The following RIMS4 variants were observed in gnomAD, a reference collection of about 807,000 sequenced individuals.
RIMS4 encodes the protein regulating synaptic membrane exocytosis protein 4.
Under a neutral mutation model 29.0 loss-of-function variants are expected in RIMS4, and 9 were observed. The ratio of observed to expected loss-of-function variants is 0.31; its 90% confidence interval spans 0.19 to 0.54. The LOEUF is 0.54. RIMS4 is among the 20% of genes least tolerant of loss of function. The probability of loss-of-function intolerance (pLI) is 0.94; values close to 1 mark genes in which losing one functional copy is unlikely to be tolerated. For synonymous variants in RIMS4, 130 were observed against 152.9 expected (o/e 0.85, Z 1.10); for missense variants, 193 against 365.7 (o/e 0.53, Z 3.85).
chr20:44,801,468 T>C (rs1473380293), intron 1 of RIMS4, among the ~76,000 whole-genome samples: 1 of 152,220 alleles, frequency 6.6e-6, no homozygotes, highest in African/African-American at 2.4e-5. Context: ...TTTACATCGA[T>C]GATTCCTTTG....
At chr20:44,796,939 G>A (rs556303064) in intron 1 of RIMS4, among the ~76,000 whole-genome samples, 1 of 152,322 alleles carries the variant, frequency 6.6e-6, no homozygotes, top group African/African-American at 2.4e-5. Context: ...GAGCTGGAGT[G>A]AGCAATGCTG....
intron 1 of RIMS4, among the ~76,000 whole-genome samples, chr20:44,787,147 G>T (rs955928331): frequency 1.3e-5 from 2 of 152,198 alleles, no homozygotes; most frequent in Non-Finnish European, 2.9e-5. Context: ...TGGCAGACAT[G>T]TCTGGTATGT....
At chr20:44,764,701 T>C (rs2066106385) in intron 2 of RIMS4, among the ~76,000 whole-genome samples, 1 of 152,136 alleles carries the variant, frequency 6.6e-6, no homozygotes, top group Admixed American at 6.5e-5. Flanking sequence ...GTGGGTGCAG[T>C]TTTCTTCATT....
intron 2 of RIMS4, among the ~76,000 whole-genome samples, chr20:44,763,757 C>G (rs956470457): frequency 2.6e-5 from 4 of 152,308 alleles, no homozygotes; most frequent in African/African-American, 9.6e-5. Context: ...TTTCTGTGTT[C>G]TTGATGGTGA....
intron 2 of RIMS4, 70 bp downstream of exon 2, chr20:44,771,205 T>C: frequency 6.5e-7 from 1 of 1,536,118 alleles, no homozygotes; most frequent in Non-Finnish European, 8.8e-7. Context: ...CCAGAGGGGT[T>C]GCTCAGTCCC....
At position 44,756,804 on chromosome 20, in the gene RIMS4, G is replaced by A. The variant is rs904793777; in HGVS notation, c.591+94C>T. Reference sequence around the variant, plus strand: ...TTTCCTCCAGGCGAGGCCCTCCAGAGACACCCCCCGCCAGGGGTGCCCTCC... The same window carrying A: ...TTTCCTCCAGGCGAGGCCCTCCAGAAACACCCCCCGCCAGGGGTGCCCTCC... On this transcript the variant is annotated intron_variant, in intron 5 of 5. Coordinates refer to ENST00000372851, the MANE Select transcript of RIMS4 (RefSeq NM_182970.4). This position sits in a 1 kb window ranked among gnomAD's most constrained non-coding sequence, Gnocchi z 5.9. 3 of 1,332,500 alleles carry A rather than the reference G, an allele frequency of 2.3e-6. No individual in the cohort carries two copies. Among genetic ancestry groups the A allele is most frequent in the African/African-American group, 2.9e-5 (2 of 68,064 alleles). The allele number at this position is 1,332,500 out of a possible 1,614,324, so 82.5% of individuals were successfully genotyped here.
intron 1 of RIMS4, among the ~76,000 whole-genome samples, chr20:44,771,835 C>T (rs1389524262): frequency 1.3e-5 from 2 of 152,064 alleles, no homozygotes; most frequent in African/African-American, 4.8e-5. Flanking sequence ...GTAGGGGCTG[C>T]CCTGGGCATC....
Position 44,771,263 on chromosome 20 carries a change from C to A in RIMS4, c.236+12G>T, listed in dbSNP as rs1401829198. ...CTGCAAGAACCAGGAGGGCTGGTGG[C>A]CCCACACTTACTTGCCCTCTGAGCC... On this transcript the variant is annotated intron_variant, in intron 2 of 5. Transcript: ENST00000372851. 6.2e-7 allele frequency: 1 copy of A among 1,600,206 alleles called. No individual in the cohort carries two copies. The highest frequency in any genetic ancestry group is 2.3e-5 in the East Asian group (1 of 44,440).
chr20:44,779,088 C>T (rs895314628), intron 1 of RIMS4, among the ~76,000 whole-genome samples: 4 of 152,180 alleles, frequency 2.6e-5, no homozygotes, highest in African/African-American at 9.7e-5. Context: ...TTTACATTTC[C>T]ATTTCCCTAG....
chr20:44,757,794 A>G (rs1367426211), intron 3 of RIMS4, 23 bp from the exon 4 acceptor site: 1 of 1,590,516 alleles, frequency 6.3e-7, no homozygotes, highest in African/African-American at 1.3e-5. Flanking sequence ...CCAAGAGATG[A>G]GACTGGGAAA....
In RIMS4 at chr20:44,773,924, A is replaced by T. The variant is rs960176059; in HGVS notation, c.98-2511T>A. ...ATAGTGCGGGCACAAAGTAGGTGCC[A>T]AACATAAAAAGCCAAACCACTGCAG... On this transcript the variant is annotated intron_variant, in intron 1 of 5. Coordinates refer to ENST00000372851, the MANE Select transcript of RIMS4 (RefSeq NM_182970.4). Among the ~76,000 whole-genome samples, 3 of 152,132 alleles carry T rather than the reference A, an allele frequency of 2.0e-5. No homozygotes were observed. In the South Asian group the frequency reaches 6.2e-4, roughly 31 times the overall value.
intron 1 of RIMS4, among the ~76,000 whole-genome samples, chr20:44,800,698 C>T (rs60601806): frequency 0.11 from 17,130 of 151,828 alleles, 1,281 homozygotes; most frequent in African/African-American, 0.21. Context: ...CTCTGGGAGA[C>T]TCTGGGTATA....
intron 2 of RIMS4, among the ~76,000 whole-genome samples, chr20:44,767,250 G>A (rs2066117736): frequency 6.6e-6 from 1 of 152,212 alleles, no homozygotes; most frequent in African/African-American, 2.4e-5. Context: ...AGGGCAGGTG[G>A]GGAGTATGGT....
chr20:44,780,559 A>G (rs557934551), intron 1 of RIMS4, among the ~76,000 whole-genome samples: 1 of 152,374 alleles, frequency 6.6e-6, no homozygotes, highest in South Asian at 2.1e-4. Context: ...GAGTTGAACC[A>G]GAGCCTATGA....
intron 4 of RIMS4, among the ~76,000 whole-genome samples, chr20:44,757,320 C>T (rs1015948310): frequency 7.2e-5 from 11 of 151,932 alleles, no homozygotes; most frequent in African/African-American, 2.7e-4. Context: ...ATAATGTGCC[C>T]ACCCCCTCCC....
At chr20:44,786,867 C>T (rs1273550020) in intron 1 of RIMS4, among the ~76,000 whole-genome samples, 1 of 152,226 alleles carries the variant, frequency 6.6e-6, no homozygotes, top group Non-Finnish European at 1.5e-5. Flanking sequence ...TTCATTCACT[C>T]ATTCACTCAC....
chr20:44,770,844 C>T (rs1004383277), intron 2 of RIMS4, among the ~76,000 whole-genome samples: 2 of 152,178 alleles, frequency 1.3e-5, no homozygotes, highest in Non-Finnish European at 2.9e-5. Context: ...CCCCTTTCTA[C>T]CCCTCCTTTA....
At chr20:44,810,045 G>C (rs910025049) in intron 1 of RIMS4, 130 bp downstream of exon 1, 4 of 409,656 alleles carry the variant, frequency 9.8e-6, no homozygotes, top group South Asian at 7.0e-5. Flanking sequence ...CCGTGGGTGC[G>C]GAAGGAGACC....
chr20:44,809,990 G>A (rs1031647341), intron 1 of RIMS4, among the ~76,000 whole-genome samples, 185 bp downstream of exon 1: 1 of 151,768 alleles, frequency 6.6e-6, no homozygotes, highest in Non-Finnish European at 1.5e-5. Context: ...CGGGGTCCCT[G>A]GGGGAGAAGG....
Sources: allele counts gnomAD v4.1 joint callset (sites outside exome capture counted in the v4.1 genomes callset), GRCh38; gene constraint gnomAD v4.1.1; non-coding constraint Gnocchi (gnomAD v3.1); transcripts MANE v1.5; gene names NCBI Gene and HGNC (gene_info 2026-07-23, HGNC 2026-07-21).